ADAMTSL1: variants seen among roughly 807,000 people sequenced by gnomAD.
ADAMTSL1 encodes ADAMTS-like protein 1.
Under a neutral mutation model 201.8 loss-of-function variants are expected in ADAMTSL1, and 126 were observed. The observed-to-expected ratio is 0.62, with a 90% confidence interval of 0.54 to 0.72. ADAMTSL1 has a LOEUF of 0.72. ADAMTSL1 is among the 30% of genes least tolerant of loss of function. The pLI is 0.00. For synonymous variants in ADAMTSL1, 1,121 were observed against 903.4 expected (o/e 1.24, Z -4.32); for missense variants, 2,679 against 2,277.8 (o/e 1.18, Z -3.59).
At chr9:18,882,555 G>A (rs1406980524) in intron 23 of ADAMTSL1, among the ~76,000 whole-genome samples, 1 of 152,154 alleles carries the variant, frequency 6.6e-6, no homozygotes, top group Non-Finnish European at 1.5e-5. Context: ...GAGATCCCCA[G>A]TGGACTGACT....
intron 1 of ADAMTSL1, among the ~76,000 whole-genome samples, chr9:18,107,937 A>C (rs1824832330): frequency 6.6e-6 from 1 of 152,126 alleles, no homozygotes; most frequent in Non-Finnish European, 1.5e-5. Flanking sequence ...CCGCCAAACC[A>C]CTGCCGATTT....
chr9:18,057,386 T>TA (rs897739842), intron 1 of ADAMTSL1, among the ~76,000 whole-genome samples: 30 of 152,120 alleles, frequency 2.0e-4, no homozygotes, highest in Non-Finnish European at 2.9e-5. Context: ...TCATCAGAAA[T>TA]AAAAAAGTTT....
chr9:18,508,690 A>C (rs1817828968), intron 2 of ADAMTSL1, among the ~76,000 whole-genome samples: 1 of 152,212 alleles, frequency 6.6e-6, no homozygotes, highest in Non-Finnish European at 1.5e-5. Flanking sequence ...AGTCATGTAT[A>C]AAAATTTTAA....
intron 2 of ADAMTSL1, among the ~76,000 whole-genome samples, chr9:18,239,660 A>C (rs146206197): frequency 3.3e-5 from 5 of 152,210 alleles, no homozygotes; most frequent in Non-Finnish European, 7.4e-5. Context: ...AGGCATGACA[A>C]TTGCTTGAAC....
chr9:18,313,093 A>T (rs1191545586), intron 2 of ADAMTSL1, among the ~76,000 whole-genome samples: 1 of 152,192 alleles, frequency 6.6e-6, no homozygotes, highest in African/African-American at 2.4e-5. Context: ...TTGGAATGAC[A>T]TGTGACTATT....
intron 1 of ADAMTSL1, among the ~76,000 whole-genome samples, chr9:17,998,248 TG>T (rs1239244304): frequency 6.6e-6 from 1 of 152,048 alleles, no homozygotes; most frequent in Non-Finnish European, 1.5e-5. Context: ...CCTTTATTAA[TG>T]GAAACCAATG....
At chr9:18,355,002 A>C (rs1264424099) in intron 2 of ADAMTSL1, among the ~76,000 whole-genome samples, 1 of 152,082 alleles carries the variant, frequency 6.6e-6, no homozygotes, top group Non-Finnish European at 1.5e-5. Context: ...ACAAACAAAC[A>C]GACTAAGAAA....
intron 15 of ADAMTSL1, among the ~76,000 whole-genome samples, chr9:18,740,130 G>T (rs1277785489): frequency 6.6e-6 from 1 of 152,140 alleles, no homozygotes; most frequent in Non-Finnish European, 1.5e-5. Context: ...GGGCCTACTT[G>T]AAGCAACATG....
chr9:18,149,605 A>G (rs1162246043), intron 1 of ADAMTSL1, among the ~76,000 whole-genome samples: 1 of 152,026 alleles, frequency 6.6e-6, no homozygotes, highest in Admixed American at 6.6e-5. Flanking sequence ...TGATAATATA[A>G]TGAGATTCCC....
At chr9:17,935,983 C>T (rs577689688) in intron 1 of ADAMTSL1, among the ~76,000 whole-genome samples, 27 of 152,312 alleles carry the variant, frequency 1.8e-4, no homozygotes, top group Middle Eastern at 3.4e-3. Flanking sequence ...ACCAGTTTCT[C>T]CTTACTTACT....
rs1386543335 is a variant in ADAMTSL1, at chr9:18,626,866, T to A, written c.601+4497T>A. Among the ~76,000 whole-genome samples the A allele has an allele frequency of 8.6e-4, 111 of 129,152 alleles. 1 individual carries two copies. Among genetic ancestry groups the A allele is most frequent in the Middle Eastern group, 7.2e-3 (2 of 278 alleles). The allele number at this position is 129,152 out of a possible 152,430, so 84.7% of individuals were successfully genotyped here. ...TTCTTTCTTTCTTTCTTTCTTTCTT[T>A]CTGTCTTTCTTCCTTCCTTCCTTCC... On this transcript the variant is annotated intron_variant, in intron 5 of 28. Transcript: ENST00000380548.
rs1025610972 is a variant in ADAMTSL1 at position 18,521,387 on chromosome 9, G to T, written c.192-11860G>T. Among the ~76,000 whole-genome samples, 3 of 151,648 alleles carry T rather than the reference G, an allele frequency of 2.0e-5. No homozygotes were observed. In the East Asian group the frequency reaches 5.8e-4, roughly 29 times the overall value. The stretch of plus-strand genomic sequence containing the variant: ...TACCATGAAGTGATTATTATGCATT[G>T]CATGCCTGTATCAAAACCTCTTCTG... On this transcript the variant is annotated intron_variant, in intron 2 of 28. Coordinates refer to ENST00000380548, the MANE Select transcript of ADAMTSL1 (RefSeq NM_001040272.6).
At chr9:18,492,595 C>A (rs1157324467) in intron 1 of ADAMTSL1, among the ~76,000 whole-genome samples, 1 of 152,104 alleles carries the variant, frequency 6.6e-6, no homozygotes, top group Non-Finnish European at 1.5e-5. Flanking sequence ...AATTGCACTG[C>A]ACAACGTTTT....
intron 4 of ADAMTSL1, among the ~76,000 whole-genome samples, chr9:18,591,579 TG>T (rs1823918114): frequency 6.6e-6 from 1 of 152,218 alleles, no homozygotes; most frequent in Non-Finnish European, 1.5e-5. Flanking sequence ...CTTGTGATTT[TG>T]TAACCTCTCT....
chr9:18,524,684 A>G (rs1375613109), intron 2 of ADAMTSL1, among the ~76,000 whole-genome samples: 1 of 152,200 alleles, frequency 6.6e-6, no homozygotes, highest in Non-Finnish European at 1.5e-5. Context: ...CCTTTTCTGC[A>G]TCTATTGAGA....
intron 24 of ADAMTSL1, 92 bp downstream of exon 24, chr9:18,888,135 C>A: frequency 7.5e-7 from 1 of 1,336,590 alleles, no homozygotes; most frequent in Non-Finnish European, 1.0e-6. Context: ...GATTTCTGAT[C>A]TCCAGTGGTA....
intron 4 of ADAMTSL1, among the ~76,000 whole-genome samples, chr9:18,615,413 T>C (rs905242155): frequency 9.2e-5 from 14 of 152,220 alleles, no homozygotes; most frequent in African/African-American, 3.4e-4. Context: ...AGATCACAGA[T>C]GAAACCATCG....
At position 18,196,737 on chromosome 9, in the gene ADAMTSL1, C is replaced by G. The variant is rs574383658; in HGVS notation, c.207+32756C>G. On this transcript the variant is annotated intron_variant, in intron 2 of 29. Transcript: ENST00000680146. ...ATCTCTCCATTCTCATCTCACACCT[C>G]TCACTCCTTGCTTACTAACCCTAGT... 5.3e-5 allele frequency among the ~76,000 whole-genome samples: 8 copies of G among 152,212 alleles called. 1 individual carries two copies. In the South Asian group the frequency reaches 1.7e-3, roughly 32 times the overall value.
intron 2 of ADAMTSL1, among the ~76,000 whole-genome samples, chr9:18,510,217 G>T (rs1177955704): frequency 2.0e-5 from 3 of 152,174 alleles, no homozygotes; most frequent in Non-Finnish European, 1.5e-5. Flanking sequence ...AAGGGAGGTA[G>T]ATTACTTAGA....
Sources: gnomAD v4.1 joint callset for allele counts (sites outside exome capture counted in the v4.1 genomes callset) on GRCh38, gnomAD v4.1.1 for gene constraint, MANE v1.5 for transcripts, NCBI Gene and HGNC (gene_info 2026-07-23, HGNC 2026-07-21) for gene names.